AHI1: variants seen among roughly 807,000 people sequenced by gnomAD.
The protein encoded by AHI1 is jouberin.
AHI1 carries 123 observed loss-of-function variants against 149.3 expected under a neutral mutation model. The ratio of observed to expected loss-of-function variants is 0.82; its 90% CI spans 0.71 to 0.96. The LOEUF is 0.96. Ranked by LOEUF, AHI1 falls within the 40% of genes least tolerant of loss-of-function variation. AHI1 has a pLI of 0.00. For missense variants in AHI1, 1,439 were observed against 1,422.7 expected (o/e 1.01, Z -0.18); for synonymous variants, 475 against 459.8 (o/e 1.03, Z -0.42).
At position 135,285,343 on chromosome 6, in the gene AHI1, TTTC is replaced by T. The variant is rs1781558893; in HGVS notation, c.*299_*301del. Reference sequence around the variant, plus strand: ...ATTTGCTGAGTAGCAATTACAGTGTTTTCTTCATTAGTTTTCCAACACTGGTAA... The same window carrying T: ...ATTTGCTGAGTAGCAATTACAGTGTTTTCATTAGTTTTCCAACACTGGTAA... On this transcript the variant is annotated 3_prime_UTR_variant, in exon 29 of 29. Transcript: ENST00000265602. 4.3e-6 allele frequency: 2 copies of T among 463,928 alleles called. No individual in the cohort carries two copies. The highest frequency in any genetic ancestry group is 7.7e-6 in the Non-Finnish European group (2 of 258,336). 28.7% of individuals were successfully genotyped at this position (463,928 alleles called of 1,614,324 possible). A position where few individuals can be genotyped will look rare whatever the true frequency, so the allele number is the denominator to read the frequency against.
Position 135,439,913 on chromosome 6 carries a change from C to T in AHI1, c.1913-1415G>A, listed in dbSNP as rs538024836. On this transcript the variant is annotated intron_variant, in intron 14 of 28. Coordinates refer to ENST00000265602, the MANE Select transcript of AHI1 (RefSeq NM_001134831.2). Reference sequence around the variant, plus strand: ...GTAAGAATCTTAGAAAAAATCTCCTCCCCACAGAAGCAACAAGAACACTGG... The same window carrying T: ...GTAAGAATCTTAGAAAAAATCTCCTTCCCACAGAAGCAACAAGAACACTGG... 3.9e-5 allele frequency among the ~76,000 whole-genome samples: 6 copies of T among 152,196 alleles called. No individual in the cohort carries two copies. The East Asian group carries it at 7.7e-4, about 20-fold the overall frequency.
intron 22 of AHI1, among the ~76,000 whole-genome samples, chr6:135,400,291 A>G (rs1383161676): frequency 6.6e-6 from 1 of 152,134 alleles, no homozygotes; most frequent in Non-Finnish European, 1.5e-5. Flanking sequence ...TGGATTCTCT[A>G]TTTTCTGAAC....
At chr6:135,375,635 A>G (rs1432695101) in intron 23 of AHI1, among the ~76,000 whole-genome samples, 2 of 152,228 alleles carry the variant, frequency 1.3e-5, no homozygotes, top group Non-Finnish European at 2.9e-5. Context: ...ATTATTGATA[A>G]ATGACAAGGC....
In AHI1 at chr6:135,411,510, G is replaced by A. The variant is rs1351096307; in HGVS notation, c.2799C>T (p.Tyr933=). 1.9e-6 allele frequency: 3 copies of A among 1,604,206 alleles called. No homozygotes were observed. The highest frequency in any genetic ancestry group is 2.6e-6 in the Non-Finnish European group (3 of 1,174,546). Residue 933 remains tyrosine (Y), a synonymous_variant, in exon 21 of 29, where the codon TAC becomes TAT. Coordinates refer to ENST00000265602, the MANE Select transcript of AHI1 (RefSeq NM_001134831.2). The part of the protein sequence containing the change: ...AQQEAEMFKR[Y]NGTFPLPGIH... ...TTCCAGGTAATGGAAATGTTCCATTGTAGCGTTTGAACATTTCAGCCTCCT... is the reference window on the plus strand; with the variant it reads ...TTCCAGGTAATGGAAATGTTCCATTATAGCGTTTGAACATTTCAGCCTCCT...
intron 27 of AHI1, among the ~76,000 whole-genome samples, chr6:135,291,631 T>A (rs920245943): frequency 9.2e-5 from 14 of 152,328 alleles, no homozygotes; most frequent in Non-Finnish European, 2.1e-4. Context: ...CAATGAAGTC[T>A]GTGGTATTCT....
chr6:135,301,252 G>A (rs1783846564), intron 26 of AHI1: 1 of 984,144 alleles, frequency 1.0e-6, no homozygotes, highest in African/African-American at 1.7e-5. Flanking sequence ...TCACGTTATG[G>A]AAAGGATTCG....
chr6:135,368,948 G>A (rs1415844906), intron 23 of AHI1, among the ~76,000 whole-genome samples: 1 of 152,194 alleles, frequency 6.6e-6, no homozygotes, highest in Non-Finnish European at 1.5e-5. Context: ...TTTGCCTTCA[G>A]TTGAAATTGT....
chr6:135,301,754 T>C (rs373460990), intron 26 of AHI1: 30 of 985,450 alleles, frequency 3.0e-5, no homozygotes, highest in Middle Eastern at 1.0e-3. Flanking sequence ...ATCTTAATTT[T>C]TCTCCACCAG....
chr6:135,376,106 G>A (rs1775875773), intron 23 of AHI1, among the ~76,000 whole-genome samples: 2 of 151,968 alleles, frequency 1.3e-5, no homozygotes, highest in Admixed American at 1.3e-4. Context: ...GGGGCGGGGC[G>A]GGGCGCAGTG....
Position 135,486,271 on chromosome 6 carries a change from T to C in AHI1, c.135+4352A>G, listed in dbSNP as rs1055605964. Among the ~76,000 whole-genome samples the C allele has an allele frequency of 4.6e-5, 7 of 152,186 alleles. No individual in the cohort carries two copies. The East Asian group carries it at 9.7e-4, about 21-fold the overall frequency. Reference sequence around the variant, plus strand: ...AGGGACCCATGGAAAACTATCGAAATCATACATAATATACCATGTATACTG... The same window carrying C: ...AGGGACCCATGGAAAACTATCGAAACCATACATAATATACCATGTATACTG... On this transcript the variant is annotated intron_variant, in intron 5 of 28. Transcript: ENST00000265602.
chr6:135,474,234 T>C (rs1372734454), intron 5 of AHI1, among the ~76,000 whole-genome samples: 5 of 152,198 alleles, frequency 3.3e-5, no homozygotes, highest in Non-Finnish European at 2.9e-5. Flanking sequence ...AGCACTTTTT[T>C]TGTAGATTTT....
chr6:135,385,205 G>C (rs1421909451), intron 23 of AHI1, among the ~76,000 whole-genome samples: 1 of 152,182 alleles, frequency 6.6e-6, no homozygotes, highest in Non-Finnish European at 1.5e-5. Flanking sequence ...GTTCAGAAAA[G>C]AGGTATGGGT....
At position 135,448,324 on chromosome 6, in the gene AHI1, T is replaced by G; in HGVS notation, c.1592A>C (p.Tyr531Ser). ...CPRNHYPSTL[Y>S]VTVRGLKVPD... ...AACTTTCAGTCCTCTTACAGTTACG[T>G]ACAGTGTTGATGGGTAATGATTTCT... Residue 531 changes from tyrosine to serine, a missense_variant, in exon 12 of 29, where the codon TAC becomes TCC. Transcript: ENST00000265602. 1 of 1,608,670 alleles carries G rather than the reference T, an allele frequency of 6.2e-7. No individual in the cohort carries two copies. Among genetic ancestry groups the G allele is most frequent in the Non-Finnish European group, 8.5e-7 (1 of 1,176,558 alleles).
At chr6:135,443,110 C>A (rs558465548) in intron 13 of AHI1, among the ~76,000 whole-genome samples, 12 of 152,142 alleles carry the variant, frequency 7.9e-5, no homozygotes, top group African/African-American at 2.9e-4. Context: ...ACCACAAGTA[C>A]CTATGGGGCC....
At chr6:135,367,181 A>G (rs1774310550) in intron 23 of AHI1, among the ~76,000 whole-genome samples, 1 of 152,186 alleles carries the variant, frequency 6.6e-6, no homozygotes, top group Non-Finnish European at 1.5e-5. Flanking sequence ...GCGGCTAAAG[A>G]TAGGACCCCA....
At position 135,371,121 on chromosome 6, in the gene AHI1, A is replaced by G. The variant is rs142115819; in HGVS notation, c.3110-12934T>C. Among the ~76,000 whole-genome samples the G allele has an allele frequency of 4.3e-3, 659 of 152,342 alleles. 3 individuals are homozygous for G. The highest frequency in any genetic ancestry group is 0.015 in the African/African-American group (626 of 41,578). ...TGCATGGGAATTTGTAGAAGTGCTA[A>G]GTGTGAATTTATGAAACAAAATGAT... On this transcript the variant is annotated intron_variant, in intron 23 of 28. Coordinates refer to ENST00000265602, the MANE Select transcript of AHI1 (RefSeq NM_001134831.2).
chr6:135,417,127 T>C (rs1782491019), intron 20 of AHI1, among the ~76,000 whole-genome samples: 1 of 152,082 alleles, frequency 6.6e-6, no homozygotes, highest in African/African-American at 2.4e-5. Flanking sequence ...GTTTCAGGAA[T>C]AAATAAATAA....
At chr6:135,492,039 A>C (rs902879656) in intron 4 of AHI1, among the ~76,000 whole-genome samples, 189 bp downstream of exon 4, 4 of 152,234 alleles carry the variant, frequency 2.6e-5, no homozygotes, top group Non-Finnish European at 5.9e-5. Context: ...TTAAATACAT[A>C]CTAACCTTAA....
intron 15 of AHI1, among the ~76,000 whole-genome samples, chr6:135,436,210 G>C (rs950689381): frequency 1.3e-5 from 2 of 152,124 alleles, no homozygotes; most frequent in Admixed American, 1.3e-4. Flanking sequence ...GGATCCTGGG[G>C]ATAAAACATA....
Sources: gnomAD v4.1 joint callset for allele counts (sites outside exome capture counted in the v4.1 genomes callset) on GRCh38, gnomAD v4.1.1 for gene constraint, MANE v1.5 for transcripts, NCBI Gene and HGNC (gene_info 2026-07-23, HGNC 2026-07-21) for gene names.